Variants in SORCS2 observed in about 807,000 individuals in gnomAD.
SORCS2 encodes the protein sortilin related VPS10 domain containing receptor 2, also known as VPS10 domain-containing receptor SorCS2.
In SORCS2, 100 loss-of-function variants were observed where a neutral mutation model predicts 141.6. The observed-to-expected ratio is 0.71, with a 90% CI of 0.60 to 0.83. The LOEUF is 0.83. SORCS2 is among the 40% of genes least tolerant of loss of function. The probability of loss-of-function intolerance (pLI) is 0.00; values close to 1 mark genes in which losing one functional copy is unlikely to be tolerated. For synonymous variants in SORCS2, 789 were observed against 676.9 expected (o/e 1.17, Z -2.57); for missense variants, 1,646 against 1,560.2 (o/e 1.05, Z -0.93).
chr4:7,339,720 G>A (rs918119786), intron 1 of SORCS2, among the ~76,000 whole-genome samples: 3 of 152,220 alleles, frequency 2.0e-5, no homozygotes, highest in Non-Finnish European at 4.4e-5. Flanking sequence ...GGTCCTGGGG[G>A]TTAGGACTTC....
In SORCS2 at chr4:7,422,798, C is replaced by T. The variant is rs1726169746; in HGVS notation, c.548+26443C>T. Among the ~76,000 whole-genome samples, 7 of 152,310 alleles carry T rather than the reference C, an allele frequency of 4.6e-5. No homozygotes were observed. The South Asian group carries it at 1.4e-3, about 32-fold the overall frequency. On this transcript the variant is annotated intron_variant, in intron 2 of 26. Coordinates refer to ENST00000507866, the MANE Select transcript of SORCS2 (RefSeq NM_020777.3). ...TGCCCTTGTCCCCGAGAGTCCGTTC[C>T]AACACCAAAGTGAACTTCAGAGAGC...
intron 1 of SORCS2, among the ~76,000 whole-genome samples, chr4:7,222,165 A>G (rs921999693): frequency 9.2e-5 from 14 of 152,328 alleles, no homozygotes; most frequent in African/African-American, 3.1e-4. Context: ...CCTCCTAGGC[A>G]TAAACCCCAG....
chr4:7,593,676 C>T (rs978157206), intron 3 of SORCS2, among the ~76,000 whole-genome samples: 1 of 152,194 alleles, frequency 6.6e-6, no homozygotes, highest in Non-Finnish European at 1.5e-5. Flanking sequence ...GGGGCGGCCC[C>T]AGGCGGGTAA....
chr4:7,617,878 C>A (rs768960030), intron 3 of SORCS2, among the ~76,000 whole-genome samples: 22 of 152,082 alleles, frequency 1.4e-4, no homozygotes, highest in Non-Finnish European at 3.1e-4. Context: ...CCGGTGCCGC[C>A]CCAGCTCTGC....
chr4:7,611,537 T>C (rs182273812), intron 3 of SORCS2, among the ~76,000 whole-genome samples: 181 of 152,256 alleles, frequency 1.2e-3, no homozygotes, highest in Non-Finnish European at 2.0e-3. Context: ...ATCTGAAACA[T>C]CACCCAAGGT....
chr4:7,593,435 G>A (rs1717046324), intron 3 of SORCS2, among the ~76,000 whole-genome samples: 1 of 152,200 alleles, frequency 6.6e-6, no homozygotes, highest in Non-Finnish European at 1.5e-5. Flanking sequence ...GCAGTCAAAG[G>A]GCAGGACCGC....
intron 2 of SORCS2, among the ~76,000 whole-genome samples, chr4:7,507,974 A>T (rs958583562): frequency 6.9e-6 from 1 of 144,064 alleles, no homozygotes; most frequent in Non-Finnish European, 1.5e-5. Context: ...TGAGATGTAA[A>T]ATGTAATTGT....
chr4:7,433,952 A>G, intron 2 of SORCS2: 1 of 1,613,810 alleles, frequency 6.2e-7, no homozygotes, highest in Non-Finnish European at 8.5e-7. Flanking sequence ...GAGCTGTTGG[A>G]CATGAGCCAG....
chr4:7,623,712 C>A (rs1412905162), intron 3 of SORCS2, among the ~76,000 whole-genome samples: 1 of 152,220 alleles, frequency 6.6e-6, no homozygotes, highest in African/African-American at 2.4e-5. Flanking sequence ...CCCACTCCCC[C>A]TCTTGTTCAG....
rs78232722 is a variant in SORCS2, at chr4:7,521,726, C to T, written c.549-9804C>T. ...GACTGAGGTTCCAGTCTGGGGTTCC[C>T]TTTGGGCAAGTCCCTTTCCCACTGG... On this transcript the variant is annotated intron_variant, in intron 2 of 26. Transcript: ENST00000507866. Among the ~76,000 whole-genome samples, 122 of 152,328 alleles carry T rather than the reference C, an allele frequency of 8.0e-4. 2 individuals carry two copies. The highest frequency in any genetic ancestry group is 7.3e-3 in the East Asian group (38 of 5,180).
intron 3 of SORCS2, among the ~76,000 whole-genome samples, chr4:7,596,193 G>A (rs1284350241): frequency 6.6e-6 from 1 of 152,186 alleles, no homozygotes; most frequent in African/African-American, 2.4e-5. Flanking sequence ...ATAGATTTGT[G>A]AGCCTTGTAT....
chr4:7,619,641 C>A (rs1268766127), intron 3 of SORCS2, among the ~76,000 whole-genome samples: 1 of 152,162 alleles, frequency 6.6e-6, no homozygotes, highest in Non-Finnish European at 1.5e-5. Context: ...AGTGTCCCGA[C>A]AGAGGTTGGA....
At chr4:7,647,995 C>T (rs966603624) in intron 4 of SORCS2, among the ~76,000 whole-genome samples, 4 of 152,252 alleles carry the variant, frequency 2.6e-5, no homozygotes, top group Admixed American at 6.5e-5. Context: ...CTGAAGTTTC[C>T]GAGATGGGAG....
At chr4:7,618,564 C>G (rs1366740533) in intron 3 of SORCS2, among the ~76,000 whole-genome samples, 1 of 152,180 alleles carries the variant, frequency 6.6e-6, no homozygotes, top group African/African-American at 2.4e-5. Flanking sequence ...CTTCATGCCT[C>G]CAGCTTCGGG....
chr4:7,461,616 C>T (rs1729317116), intron 2 of SORCS2, among the ~76,000 whole-genome samples: 3 of 152,208 alleles, frequency 2.0e-5, no homozygotes, highest in African/African-American at 7.2e-5. Flanking sequence ...TTTGCATGAT[C>T]CGAGGAGCGT....
rs1302227184 is a variant in SORCS2 at position 7,740,616 on chromosome 4, C to G, written c.*352C>G. On this transcript the variant is annotated 3_prime_UTR_variant, in exon 27 of 27. Coordinates refer to ENST00000507866, the MANE Select transcript of SORCS2 (RefSeq NM_020777.3). ...TGGTCGTCCTGGAGCCCTCCCAGTA[C>G]CTCGGGCTGCAAGAGCTGCAGACCC... is the stretch of plus-strand genomic sequence containing the variant. 2 of 354,716 alleles carry G rather than the reference C, an allele frequency of 5.6e-6. No individual in the cohort carries two copies. Among genetic ancestry groups the G allele is most frequent in the African/African-American group, 4.0e-5 (2 of 49,816 alleles). 22.0% of individuals were successfully genotyped at this position (354,716 alleles called of 1,614,324 possible).
chr4:7,277,177 A>G (rs887005084), intron 1 of SORCS2, among the ~76,000 whole-genome samples: 3 of 152,310 alleles, frequency 2.0e-5, no homozygotes, highest in South Asian at 2.1e-4. Flanking sequence ...CCAAAAGCTC[A>G]GTGTAAACTT....
chr4:7,581,585 T>A (rs1200103826), intron 3 of SORCS2, among the ~76,000 whole-genome samples: 1 of 152,160 alleles, frequency 6.6e-6, no homozygotes, highest in African/African-American at 2.4e-5. Flanking sequence ...TACCTAACTG[T>A]AGCTAGGCCT....
chr4:7,499,841 GGCACA>G (rs1731852748), intron 2 of SORCS2, among the ~76,000 whole-genome samples: 2 of 152,310 alleles, frequency 1.3e-5, no homozygotes, highest in African/African-American at 4.8e-5. Flanking sequence ...GGACCGAGCC[GGCACA>G]GGTGGGTGGA....
Sources: allele counts gnomAD v4.1 joint callset (sites outside exome capture counted in the v4.1 genomes callset), GRCh38; gene constraint gnomAD v4.1.1; transcripts MANE v1.5; gene names NCBI Gene and HGNC (gene_info 2026-07-23, HGNC 2026-07-21).